The following CR1L variants were observed in gnomAD, a reference collection of about 807,000 sequenced individuals.
CR1L encodes complement C3b/C4b receptor 1 like, also known as complement component receptor 1-like protein.
Under a neutral mutation model 62.3 loss-of-function variants are expected in CR1L, and 59 were observed. The ratio of observed to expected loss-of-function variants is 0.95; its 90% CI spans 0.77 to 1.18. The LOEUF (loss-of-function observed/expected upper bound fraction) is 1.18, where lower values mean the gene tolerates loss of function less well. CR1L is among the 50% of genes most tolerant of loss of function. The pLI, the probability that CR1L is intolerant of heterozygous loss-of-function variation, is 0.00. For synonymous variants in CR1L, 279 were observed against 248.7 expected (o/e 1.12, Z -1.15); for missense variants, 700 against 702.8 (o/e 1.00, Z 0.04).
intron 4 of CR1L, among the ~76,000 whole-genome samples, chr1:207,688,085 C>G (rs2102464935): frequency 6.6e-6 from 1 of 152,222 alleles, no homozygotes; most frequent in Admixed American, 6.5e-5. Context: ...CCAGCCTGGG[C>G]AACAAAGCGA....
rs1362238040 is a variant in CR1L at position 207,697,632 on chromosome 1, A to G, written c.992A>G (p.His331Arg). The G allele has an allele frequency of 1.2e-6, 2 of 1,613,956 alleles. No individual in the cohort carries two copies. Among genetic ancestry groups the G allele is most frequent in the Non-Finnish European group, 8.5e-7 (1 of 1,179,872 alleles). Residue 331 changes from histidine to arginine, a missense_variant, in exon 6 of 12, where the codon CAC becomes CGC. Coordinates refer to ENST00000508064, the MANE Select transcript of CR1L (RefSeq NM_175710.2). ...GACCTCAGAGGATCTACGTATTTGC[A>G]CTGCACACCCCAGGGAGACTGGAGC... ...GYDLRGSTYLHCTPQGDWSPA... is the reference protein window; with the variant it reads ...GYDLRGSTYLRCTPQGDWSPA...
intron 1 of CR1L, among the ~76,000 whole-genome samples, chr1:207,673,517 C>T (rs1364260789): frequency 2.0e-5 from 3 of 152,054 alleles, no homozygotes; most frequent in African/African-American, 7.2e-5. Context: ...GTTAATTGTG[C>T]GTATAGCACA....
chr1:207,671,646 G>A (rs576877047), intron 1 of CR1L, among the ~76,000 whole-genome samples: 4 of 151,084 alleles, frequency 2.6e-5, no homozygotes, highest in South Asian at 2.1e-4. Context: ...AATAAACGGG[G>A]CCAGGCGCAG....
At chr1:207,698,643 C>A (rs1219228910) in intron 7 of CR1L, among the ~76,000 whole-genome samples, 1 of 152,064 alleles carries the variant, frequency 6.6e-6, no homozygotes, top group African/African-American at 2.4e-5. Context: ...TCAACAATTG[C>A]GTACAAAAAT....
intron 1 of CR1L, 65 bp downstream of exon 1, chr1:207,645,395 A>G: frequency 6.4e-7 from 1 of 1,568,410 alleles, no homozygotes. Flanking sequence ...TCAGTCGGGC[A>G]GGAGGCGCGG....
intron 1 of CR1L, among the ~76,000 whole-genome samples, chr1:207,645,649 C>T (rs1459509462): frequency 1.3e-5 from 2 of 152,174 alleles, no homozygotes; most frequent in Non-Finnish European, 2.9e-5. Flanking sequence ...ACTGGGCGCC[C>T]CAGGTGAGGG....
At chr1:207,665,670 G>A (rs1451493755) in intron 1 of CR1L, among the ~76,000 whole-genome samples, 1 of 152,224 alleles carries the variant, frequency 6.6e-6, no homozygotes, top group Non-Finnish European at 1.5e-5. Context: ...TGGGATTACA[G>A]GCGTGAGCCA....
At chr1:207,683,096 T>TTC (rs1178456225) in intron 3 of CR1L, among the ~76,000 whole-genome samples, 1 of 147,168 alleles carries the variant, frequency 6.8e-6, no homozygotes, top group African/African-American at 2.5e-5. Context: ...CTCTTTCTCT[T>TTC]TCTCTCTCTC....
At chr1:207,687,288 A>G (rs142011432) in intron 4 of CR1L, among the ~76,000 whole-genome samples, 254 of 152,354 alleles carry the variant, frequency 1.7e-3, no homozygotes, top group Non-Finnish European at 2.9e-3. Flanking sequence ...GAAAAGCCAT[A>G]TAGCCTGGAG....
chr1:207,697,361 A>T (rs1253466261), intron 5 of CR1L, 142 bp from the exon 6 acceptor site: 15 of 1,535,026 alleles, frequency 9.8e-6, no homozygotes, highest in Non-Finnish European at 7.1e-6. Context: ...CTGTGTATTT[A>T]GTTTGTTATC....
intron 11 of CR1L, among the ~76,000 whole-genome samples, chr1:207,722,730 T>C (rs921714528): frequency 1.3e-5 from 2 of 152,258 alleles, no homozygotes; most frequent in African/African-American, 4.8e-5. Context: ...AATATTGTTG[T>C]ATATTGAAGG....
rs746929002 is a variant in CR1L at position 207,717,557 on chromosome 1, C to A, written c.1508C>A (p.Thr503Lys). The A allele has an allele frequency of 2.2e-5, 35 of 1,613,808 alleles. No individual in the cohort carries two copies. The South Asian group carries it at 3.8e-4, about 18-fold the overall frequency. ...CCCTATGGAAAAGAAGTATCTTACA[C>A]ATGTGACCCCCACCCAGACAGAGGG... Reference protein sequence around the residue: ...DIPYGKEVSYTCDPHPDRGMT... With the variant: ...DIPYGKEVSYKCDPHPDRGMT... The change falls in exon 11 of 12, where the codon ACA becomes AAA. Residue 503 changes from threonine to lysine, a missense_variant. Physicochemically the swap from Thr to Lys is moderately conservative, Grantham distance 78. Transcript: ENST00000508064.
At chr1:207,696,879 G>A (rs1403051664) in intron 5 of CR1L, among the ~76,000 whole-genome samples, 2 of 152,290 alleles carry the variant, frequency 1.3e-5, no homozygotes, top group African/African-American at 4.8e-5. Context: ...TTTAGATTTT[G>A]TTCGACAGTT....
chr1:207,654,184 G>C (rs1260918630), intron 1 of CR1L, among the ~76,000 whole-genome samples: 3 of 152,166 alleles, frequency 2.0e-5, no homozygotes, highest in Non-Finnish European at 4.4e-5. Context: ...TTTTGGTAGA[G>C]ACAAACCAGA....
At chr1:207,671,163 C>T (rs1230551861) in intron 1 of CR1L, among the ~76,000 whole-genome samples, 1 of 150,976 alleles carries the variant, frequency 6.6e-6, no homozygotes, top group African/African-American at 2.5e-5. Context: ...GCATGACTGA[C>T]ATCCTGATTT....
intron 11 of CR1L, among the ~76,000 whole-genome samples, chr1:207,721,068 T>C (rs917684309): frequency 6.6e-6 from 1 of 152,152 alleles, no homozygotes; most frequent in African/African-American, 2.4e-5. Context: ...TGCAGGGAAA[T>C]GCAGAAACTA....
At chr1:207,664,244 G>A (rs939042357) in intron 1 of CR1L, among the ~76,000 whole-genome samples, 38 of 152,288 alleles carry the variant, frequency 2.5e-4, no homozygotes, top group African/African-American at 5.1e-4. Context: ...ATTAGCCTGC[G>A]TAGACTATGC....
chr1:207,712,154 A>T (rs1459602517), intron 10 of CR1L, among the ~76,000 whole-genome samples: 3 of 152,350 alleles, frequency 2.0e-5, no homozygotes, highest in Middle Eastern at 3.4e-3. Context: ...ATTTAGGGGC[A>T]TGCCTGTCCC....
intron 5 of CR1L, 63 bp from the exon 6 acceptor site, chr1:207,697,440 G>A (rs1377148181): frequency 6.8e-6 from 11 of 1,612,310 alleles, no homozygotes; most frequent in Admixed American, 5.0e-5. Flanking sequence ...CCCTTGGCCA[G>A]TTTAACAGTG....
Sources: gnomAD v4.1 joint callset for allele counts (sites outside exome capture counted in the v4.1 genomes callset) on GRCh38, gnomAD v4.1.1 for gene constraint, MANE v1.5 for transcripts, NCBI Gene and HGNC (gene_info 2026-07-23, HGNC 2026-07-21) for gene names.